The following MMP11 variants were observed in gnomAD, a reference collection of about 807,000 sequenced individuals.
The protein encoded by MMP11 is stromelysin-3.
Under a neutral mutation model 49.5 loss-of-function variants are expected in MMP11, and 26 were observed. The observed-to-expected ratio is 0.52, with a 90% CI of 0.38 to 0.73. MMP11 has a LOEUF of 0.73. Among genes scored for constraint, MMP11 ranks in the 30% least tolerant of loss-of-function variants. MMP11 has a pLI of 0.00. For synonymous variants in MMP11, 265 were observed against 282.3 expected (o/e 0.94, Z 0.62); for missense variants, 624 against 671.2 (o/e 0.93, Z 0.78).
At chr22:23,778,018 GGGTGA>G (rs1927477505) in intron 1 of MMP11, among the ~76,000 whole-genome samples, 1 of 152,230 alleles carries the variant, frequency 6.6e-6, no homozygotes, top group Non-Finnish European at 1.5e-5. Flanking sequence ...CAAAGGCTGA[GGGTGA>G]GGTGGGGCCT....
chr22:23,781,776 C>T, intron 6 of MMP11: 1 of 597,728 alleles, frequency 1.7e-6, no homozygotes, highest in East Asian at 3.9e-5. Context: ...TGATCCAGGT[C>T]TATCATCCTA....
intron 1 of MMP11, 139 bp from the exon 2 acceptor site, chr22:23,779,048 C>T (rs1228859113): frequency 1.2e-5 from 8 of 671,498 alleles, no homozygotes; most frequent in Admixed American, 2.8e-5. Flanking sequence ...TGCCATGTGC[C>T]GGTGCCCTTT....
intron 1 of MMP11, among the ~76,000 whole-genome samples, chr22:23,776,231 A>G (rs1927405153): frequency 1.3e-4 from 3 of 23,152 alleles, no homozygotes; most frequent in African/African-American, 3.9e-4. Context: ...GACCATGGGC[A>G]TAGCAGGGCT....
At position 23,782,318 on chromosome 22, in the gene MMP11, G is replaced by A. The variant is rs1374286787; in HGVS notation, c.1168G>A (p.Ala390Thr). The A allele has an allele frequency of 6.2e-7, 1 of 1,614,000 alleles. No individual in the cohort carries two copies. Among genetic ancestry groups the A allele is most frequent in the East Asian group, 2.2e-5 (1 of 44,874 alleles). ...LGLVRFPVHAALVWGPEKNKI... is the reference protein window; with the variant it reads ...LGLVRFPVHATLVWGPEKNKI... ...CCTGGTGAGGTTCCCGGTCCATGCT[G>A]CCTTGGTCTGGGGTCCCGAGAAGAA... Residue 390 changes from alanine (A) to threonine (T), a missense_variant, in exon 7 of 8, where the codon GCC becomes ACC. By Grantham distance (58) the Ala-to-Thr change is moderately conservative (BLOSUM62 0). Transcript: ENST00000215743.
intron 6 of MMP11, chr22:23,781,859 T>C (rs1340474447): frequency 3.3e-6 from 2 of 605,720 alleles, no homozygotes; most frequent in Non-Finnish European, 6.4e-6. Context: ...ACTTCACAAA[T>C]GAAGGCACAG....
At position 23,772,919 on chromosome 22, in the gene MMP11, C is replaced by A; in HGVS notation, c.49C>A (p.Pro17Thr). ...LRSAAARALL[P>T]PMLLLLLQPP... ...CAGCGCGGCCGCGCGCGCCCTCCTG[C>A]CCCCGATGCTGCTGCTGCTGCTCCA... The change falls in exon 1 of 8, where the codon CCC (proline) becomes ACC (threonine). Residue 17 changes from proline to threonine, a missense_variant. Coordinates refer to ENST00000215743, the MANE Select transcript of MMP11 (RefSeq NM_005940.5). The A allele has an allele frequency of 1.7e-6, 2 of 1,201,890 alleles. No individual in the cohort carries two copies. Among genetic ancestry groups the A allele is most frequent in the East Asian group, 3.8e-5 (1 of 26,462 alleles). The allele number at this position is 1,201,890 out of a possible 1,614,324, so 74.5% of individuals were successfully genotyped here. A position where few individuals can be genotyped will look rare whatever the true frequency, so the allele number is the denominator to read the frequency against.
chr22:23,779,049 G>A (rs145618916), intron 1 of MMP11, 138 bp from the exon 2 acceptor site: 10 of 672,696 alleles, frequency 1.5e-5, no homozygotes, highest in African/African-American at 3.6e-5. Flanking sequence ...GCCATGTGCC[G>A]GTGCCCTTTC....
In MMP11 at chr22:23,780,926, A is replaced by G; in HGVS notation, c.684A>G (p.Ala228=). 5.0e-6 allele frequency: 8 copies of G among 1,613,962 alleles called. No homozygotes were observed. The highest frequency in any genetic ancestry group is 6.8e-6 in the Non-Finnish European group (8 of 1,180,012). ...GHVLGLQHTT[A]AKALMSAFYT... ...TGCTGGGGCTGCAGCACACAACAGC[A>G]GCCAAGGCCCTGATGTCCGCCTTCT... The change falls in exon 5 of 8, where the codon GCA becomes GCG. Residue 228 remains alanine (A), a synonymous_variant. Transcript: ENST00000215743. The surrounding 1 kb of genome is among the most constrained non-coding windows in gnomAD (Gnocchi z 4.6).
intron 7 of MMP11, among the ~76,000 whole-genome samples, chr22:23,782,802 C>A (rs28382570): frequency 2.3e-4 from 35 of 152,068 alleles, no homozygotes; most frequent in African/African-American, 8.2e-4. Context: ...TCAGAACAGC[C>A]CTCTGATGTG....
rs140321960 is a variant in MMP11 at position 23,783,771 on chromosome 22, T to C, written c.*227T>C. ...CAGACTGGGCAGGGAGGCTTTGGCATGACTTAAGAGGAAGGGCAGTCTTGG... is the reference window on the plus strand; with the variant it reads ...CAGACTGGGCAGGGAGGCTTTGGCACGACTTAAGAGGAAGGGCAGTCTTGG... On this transcript the variant is annotated 3_prime_UTR_variant, in exon 8 of 8. Coordinates refer to ENST00000215743, the MANE Select transcript of MMP11 (RefSeq NM_005940.5). 76 of 606,854 alleles carry C rather than the reference T, an allele frequency of 1.3e-4. 2 individuals carry two copies. The East Asian group carries it at 1.8e-3, about 14-fold the overall frequency. 37.6% of individuals were successfully genotyped at this position (606,854 alleles called of 1,614,324 possible). A position where few individuals can be genotyped will look rare whatever the true frequency, so the allele number is the denominator to read the frequency against.
intron 6 of MMP11, 126 bp from the exon 7 acceptor site, chr22:23,782,100 C>A: frequency 7.1e-7 from 1 of 1,400,604 alleles, no homozygotes; most frequent in Non-Finnish European, 9.8e-7. Context: ...GCATTATTGG[C>A]CTGCATGTTT....
At position 23,780,902 on chromosome 22, in the gene MMP11, G is replaced by C; in HGVS notation, c.660G>C (p.Val220=). 1 of 1,613,944 alleles carries C rather than the reference G, an allele frequency of 6.2e-7. No homozygotes were observed. Among genetic ancestry groups the C allele is most frequent in the Non-Finnish European group, 8.5e-7 (1 of 1,180,010 alleles). ...LQVAAHEFGH[V]LGLQHTTAAK... ...TGGCAGCCCATGAATTTGGCCACGTGCTGGGGCTGCAGCACACAACAGCAG... is the reference window on the plus strand; with the variant it reads ...TGGCAGCCCATGAATTTGGCCACGTCCTGGGGCTGCAGCACACAACAGCAG... Residue 220 remains valine, a synonymous_variant, in exon 5 of 8, where the codon GTG becomes GTC. Coordinates refer to ENST00000215743, the MANE Select transcript of MMP11 (RefSeq NM_005940.5). This position sits in a 1 kb window ranked among gnomAD's most constrained non-coding sequence, Gnocchi z 4.6.
intron 1 of MMP11, among the ~76,000 whole-genome samples, chr22:23,776,127 G>A (rs1302278142): frequency 1.3e-5 from 2 of 152,186 alleles, no homozygotes; most frequent in Non-Finnish European, 2.9e-5. Flanking sequence ...GGACAGGAAG[G>A]GACAGTGGAA....
Position 23,779,266 on chromosome 22 carries a change from C to T in MMP11, c.188C>T (p.Pro63Leu). 1.9e-6 allele frequency: 3 copies of T among 1,609,856 alleles called. No individual in the cohort carries two copies. In the African/African-American group the frequency reaches 4.0e-5, roughly 21 times the overall value. Reference sequence around the variant, plus strand: ...CTGCCCAGTAGCCCGGCACCTGCCCCTGCCACGCAGGAAGCCCCCCGGCCT... The same window carrying T: ...CTGCCCAGTAGCCCGGCACCTGCCCTTGCCACGCAGGAAGCCCCCCGGCCT... ...AALPSSPAPA[P>L]ATQEAPRPAS... Residue 63 changes from proline to leucine, a missense_variant, in exon 2 of 8, where the codon CCT becomes CTT. Physicochemically the swap from Pro to Leu is moderately conservative, Grantham distance 98. Coordinates refer to ENST00000215743, the MANE Select transcript of MMP11 (RefSeq NM_005940.5).
At position 23,780,767 on chromosome 22, in the gene MMP11, A is replaced by G. The variant is rs1000210893; in HGVS notation, c.616+52A>G. On this transcript the variant is annotated intron_variant, in intron 4 of 7. Transcript: ENST00000215743. This position sits in a 1 kb window ranked among gnomAD's most constrained non-coding sequence, Gnocchi z 4.6. ...ATGGGGCAACCGAAGATCATAAAGA[A>G]TGGGGACTCGCCAAGGTCACTGAGC... The G allele has an allele frequency of 4.1e-5, 64 of 1,556,840 alleles. No individual in the cohort carries two copies. The highest frequency in any genetic ancestry group is 5.1e-5 in the Non-Finnish European group (59 of 1,152,844).
Position 23,780,445 on chromosome 22 carries a change from C to G in MMP11, c.425C>G (p.Pro142Arg). ...EALKVWSDVT[P>R]LTFTEVHEGR... ...CTAAAGGTATGGAGCGATGTGACGC[C>G]ACTCACCTTTACTGAGGTGCACGAG... Residue 142 changes from proline (P) to arginine (R), a missense_variant, in exon 3 of 8, where the codon CCA (proline) becomes CGA (arginine). Transcript: ENST00000215743. The surrounding 1 kb of genome is among the most constrained non-coding windows in gnomAD (Gnocchi z 4.6). 6.2e-7 allele frequency: 1 copy of G among 1,614,082 alleles called. No homozygotes were observed. Among genetic ancestry groups the G allele is most frequent in the Non-Finnish European group, 8.5e-7 (1 of 1,180,036 alleles).
intron 1 of MMP11, among the ~76,000 whole-genome samples, chr22:23,776,872 A>T (rs1927428688): frequency 6.7e-6 from 1 of 148,998 alleles, no homozygotes; most frequent in African/African-American, 2.5e-5. Flanking sequence ...CTGTGGCACG[A>T]TCTCGGCTCA....
chr22:23,773,147 T>C (rs910857326), intron 1 of MMP11, among the ~76,000 whole-genome samples, 169 bp downstream of exon 1: 2 of 152,096 alleles, frequency 1.3e-5, no homozygotes, highest in African/African-American at 4.8e-5. Context: ...GAGCTTGCAG[T>C]CCCTGGGGGT....
intron 7 of MMP11, 85 bp from the exon 8 acceptor site, chr22:23,783,326 T>C: frequency 1.3e-6 from 2 of 1,544,892 alleles, no homozygotes; most frequent in Admixed American, 3.4e-5. Context: ...AGCCCTCCCT[T>C]AGTGCCCATC....
Sources: allele counts gnomAD v4.1 joint callset (sites outside exome capture counted in the v4.1 genomes callset), GRCh38; gene constraint gnomAD v4.1.1; non-coding constraint Gnocchi (gnomAD v3.1); transcripts MANE v1.5; gene names NCBI Gene and HGNC (gene_info 2026-07-23, HGNC 2026-07-21).